The following STAT5B variants were observed in gnomAD, a reference collection of about 807,000 sequenced individuals.
STAT5B encodes the protein transcription factor STAT5B.
STAT5B carries 21 observed loss-of-function variants against 107.8 expected under a neutral mutation model. That is an observed-to-expected ratio of 0.19 (90% CI 0.14 to 0.28). STAT5B has a LOEUF of 0.28. STAT5B is among the 10% of genes least tolerant of loss of function. The pLI is 1.00. For synonymous variants in STAT5B, 325 were observed against 401.7 expected, an observed-to-expected ratio of 0.81 and a Z score of 2.28; for missense variants, 565 against 1,008.2, an observed-to-expected ratio of 0.56 and a Z score of 5.95.
At chr17:42,232,272 A>T in intron 1 of STAT5B, 135 bp from the exon 2 acceptor site, 1 of 963,184 alleles carries the variant, frequency 1.0e-6, no homozygotes, top group Non-Finnish European at 1.3e-6. Flanking sequence ...TTTTTTTGAG[A>T]CAGTCTCGCT....
In STAT5B at chr17:42,250,848, T is replaced by C. The variant is rs950758526; in HGVS notation, c.-10-18711A>G. Among the ~76,000 whole-genome samples, 15 of 148,886 alleles carry C rather than the reference T, an allele frequency of 1.0e-4. No individual in the cohort carries two copies. In the South Asian group the frequency reaches 1.1e-3, roughly 10 times the overall value. On this transcript the variant is annotated intron_variant, in intron 1 of 18. Transcript: ENST00000293328. ...CTGAGGCAGGAGAATCACTTGAACC[T>C]AGGAGGCGGAGGATGCAGTGAGTGG...
intron 16 of STAT5B, among the ~76,000 whole-genome samples, chr17:42,205,120 C>G (rs959425877): frequency 6.6e-6 from 1 of 152,102 alleles, no homozygotes; most frequent in Non-Finnish European, 1.5e-5. Context: ...CTCCGCCTCC[C>G]GGGTTCAAGT....
intron 1 of STAT5B, among the ~76,000 whole-genome samples, chr17:42,250,576 G>A (rs1020805285): frequency 6.6e-6 from 1 of 152,124 alleles, no homozygotes. Flanking sequence ...AATATTCAAG[G>A]AGTTTTGTCC....
chr17:42,202,126 GA>G, intron 18 of STAT5B: 1 of 654,492 alleles, frequency 1.5e-6, no homozygotes, highest in Admixed American at 2.8e-5. Context: ...CATATTGAGA[GA>G]GGGGAACAGA....
In STAT5B at chr17:42,227,688, A is replaced by AG; in HGVS notation, c.129-4dup. On this transcript the variant is annotated splice_region_variant and splice_polypyrimidine_tract_variant and intron_variant, in intron 2 of 18. Coordinates refer to ENST00000293328, the MANE Select transcript of STAT5B (RefSeq NM_012448.4). ...GATTATCAAGATCTACTGAGTCCCT[A>AG]GGGGAAAAAAATTACATAATCTGTA... 2.5e-6 allele frequency: 4 copies of AG among 1,614,006 alleles called. No individual in the cohort carries two copies. In the South Asian group the frequency reaches 3.3e-5, roughly 13 times the overall value.
chr17:42,259,793 AAAAG>A lies in STAT5B; in HGVS notation c.-11+16451_-11+16454del, dbSNP rs1425654775. The stretch of plus-strand genomic sequence containing the variant: ...AGATTCTGTCTCAAAAAAAAAACAA[AAAAG>A]AAAGACACTTTTATTTCCTACAGAG... On this transcript the variant is annotated intron_variant, in intron 1 of 18. Coordinates refer to ENST00000293328, the MANE Select transcript of STAT5B (RefSeq NM_012448.4). Among the ~76,000 whole-genome samples, 7 of 152,222 alleles carry A rather than the reference AAAAG, an allele frequency of 4.6e-5. No individual in the cohort carries two copies. The South Asian group carries it at 1.5e-3, about 32-fold the overall frequency.
chr17:42,210,136 G>A (rs1032158337), intron 15 of STAT5B, 35 bp downstream of exon 15: 32 of 1,613,950 alleles, frequency 2.0e-5, no homozygotes, highest in Non-Finnish European at 2.5e-5. Flanking sequence ...AACGAAAGCA[G>A]CTAACTTTGG....
chr17:42,225,541 G>C (rs1167370497), intron 3 of STAT5B, among the ~76,000 whole-genome samples: 3 of 152,086 alleles, frequency 2.0e-5, no homozygotes, highest in African/African-American at 7.2e-5. Context: ...CTTGGCATCT[G>C]TGGGGGCTGG....
intron 1 of STAT5B, chr17:42,275,562 T>A (rs925647791): frequency 2.0e-5 from 3 of 152,108 alleles, no homozygotes; most frequent in Admixed American, 2.0e-4. Context: ...CTTCCGACTC[T>A]CCATATCTAC....
At chr17:42,224,991 A>C in intron 3 of STAT5B, 123 bp from the exon 4 acceptor site, 1 of 859,616 alleles carries the variant, frequency 1.2e-6, no homozygotes, top group Non-Finnish European at 1.9e-6. Context: ...TTCCTCCAAT[A>C]CCAACAGGAA....
chr17:42,262,796 A>T (rs531169102), intron 1 of STAT5B, among the ~76,000 whole-genome samples: 1 of 109,768 alleles, frequency 9.1e-6, no homozygotes, highest in Non-Finnish European at 1.8e-5. Flanking sequence ...ACACATATAT[A>T]TGTGTGTATA....
At chr17:42,238,909 C>G (rs2080379190) in intron 1 of STAT5B, among the ~76,000 whole-genome samples, 2 of 151,074 alleles carry the variant, frequency 1.3e-5, no homozygotes, top group South Asian at 4.2e-4. Flanking sequence ...ACAGTAACAG[C>G]AAGGCTTTGA....
intron 18 of STAT5B, 104 bp downstream of exon 18, chr17:42,202,236 C>A: frequency 7.3e-7 from 1 of 1,363,052 alleles, no homozygotes. Flanking sequence ...TGGTCTCAGA[C>A]CTAGAGGAGC....
chr17:42,287,691 A>G, the STAT5B span: 12 of 152,410 alleles, frequency 7.9e-5, no homozygotes, highest in East Asian at 2.1e-3. Flanking sequence ...TGGCTAGTTT[A>G]TGGATCACAG....
intron 1 of STAT5B, chr17:42,235,117 T>A (rs2080346694): frequency 1.3e-5 from 2 of 152,184 alleles, no homozygotes; most frequent in Middle Eastern, 3.2e-3. Context: ...AACTTTTATC[T>A]CCCCAGAGAC....
At chr17:42,247,854 G>A (rs1198204600) in intron 1 of STAT5B, among the ~76,000 whole-genome samples, 2 of 151,926 alleles carry the variant, frequency 1.3e-5, no homozygotes, top group South Asian at 2.1e-4. Context: ...TTGGGAGGAT[G>A]AGGTGGGAGA....
chr17:42,243,180 AAAAT>A (rs1172708487), intron 1 of STAT5B, among the ~76,000 whole-genome samples: 5 of 91,458 alleles, frequency 5.5e-5, no homozygotes, highest in Non-Finnish European at 9.7e-5. Context: ...ATACTTAAAA[AAAAT>A]AAATAAAAAA....
At chr17:42,216,849 T>C (rs937217603) in intron 11 of STAT5B, among the ~76,000 whole-genome samples, 1 of 152,098 alleles carries the variant, frequency 6.6e-6, no homozygotes, top group African/African-American at 2.4e-5. Context: ...GGCTAATTTT[T>C]GTACTTTTTA....
rs929910807 is a variant in STAT5B, at chr17:42,202,410, C to T, written c.2167G>A (p.Ala723Thr). 8.1e-6 allele frequency: 13 copies of T among 1,614,220 alleles called. No homozygotes were observed. Among genetic ancestry groups the T allele is most frequent in the African/African-American group, 1.3e-5 (1 of 75,068 alleles). ...NASADAGGGSATYMDQAPSPA... is the reference protein window; with the variant it reads ...NASADAGGGSTTYMDQAPSPA... Reference sequence around the variant, plus strand: ...GAGGGGGCCTGGTCCATGTACGTGGCGCTGCCGCCCCCGGCATCTGCAGAT... The same window carrying T: ...GAGGGGGCCTGGTCCATGTACGTGGTGCTGCCGCCCCCGGCATCTGCAGAT... Residue 723 changes from alanine (A) to threonine (T), a missense_variant, in exon 18 of 19, where the codon GCC becomes ACC. Transcript: ENST00000293328.
Sources: allele counts gnomAD v4.1 joint callset (sites outside exome capture counted in the v4.1 genomes callset), GRCh38; gene constraint gnomAD v4.1.1; transcripts MANE v1.5; gene names NCBI Gene and HGNC (gene_info 2026-07-23, HGNC 2026-07-21).